The following L3MBTL4 variants were observed in gnomAD, a reference collection of about 807,000 sequenced individuals.
The protein encoded by L3MBTL4 is L3MBTL histone methyl-lysine binding protein 4.
A neutral mutation model predicts 84.5 loss-of-function variants in L3MBTL4; 70 were observed. That is an observed-to-expected ratio of 0.83 (90% CI 0.68 to 1.01). The LOEUF (loss-of-function observed/expected upper bound fraction) is 1.01. Ranked by LOEUF, L3MBTL4 falls within the 50% of genes least tolerant of loss-of-function variation. The pLI, the probability that L3MBTL4 is intolerant of heterozygous loss-of-function variation, is 0.00. For missense variants in L3MBTL4, 715 were observed against 754.8 expected (o/e 0.95, Z 0.62); for synonymous variants, 274 against 259.8 (o/e 1.05, Z -0.52).
At chr18:6,011,633 C>T (rs1048816231) in intron 16 of L3MBTL4, among the ~76,000 whole-genome samples, 3 of 152,156 alleles carry the variant, frequency 2.0e-5, no homozygotes, top group South Asian at 4.1e-4. Context: ...ATTTATTTAC[C>T]CTTGTGAAGG....
At chr18:6,342,179 A>G (rs1407096720) in intron 1 of L3MBTL4, among the ~76,000 whole-genome samples, 2 of 152,220 alleles carry the variant, frequency 1.3e-5, no homozygotes, top group Non-Finnish European at 2.9e-5. Flanking sequence ...CAATGTGAAA[A>G]CATATGAAAG....
intron 11 of L3MBTL4, among the ~76,000 whole-genome samples, chr18:6,213,804 T>G (rs2046215526): frequency 6.6e-6 from 1 of 152,238 alleles, no homozygotes; most frequent in African/African-American, 2.4e-5. Flanking sequence ...TTTTGGCCAT[T>G]TTAAAGATAA....
chr18:5,959,797 G>A (rs962365216), intron 18 of L3MBTL4, among the ~76,000 whole-genome samples: 2 of 151,948 alleles, frequency 1.3e-5, no homozygotes, highest in African/African-American at 2.4e-5. Context: ...TACTGAGCAT[G>A]CTGTATGCAC....
chr18:6,263,828 C>G (rs1283457889), intron 5 of L3MBTL4, 119 bp downstream of exon 5: 1 of 789,106 alleles, frequency 1.3e-6, no homozygotes, highest in African/African-American at 1.7e-5. Context: ...GGTCATTTTC[C>G]AGCAGAGCCT....
At chr18:6,176,461 T>G (rs1332438258) in intron 12 of L3MBTL4, among the ~76,000 whole-genome samples, 1 of 152,050 alleles carries the variant, frequency 6.6e-6, no homozygotes, top group Non-Finnish European at 1.5e-5. Context: ...GAAAGTACAG[T>G]CTTTTCAACA....
chr18:6,236,991 A>G (rs931582808), intron 10 of L3MBTL4, among the ~76,000 whole-genome samples: 10 of 152,314 alleles, frequency 6.6e-5, no homozygotes, highest in African/African-American at 2.2e-4. Flanking sequence ...TACATTTTTT[A>G]TTGAAAGAAA....
chr18:5,973,715 A>G (rs889807257), intron 16 of L3MBTL4, among the ~76,000 whole-genome samples: 4 of 152,162 alleles, frequency 2.6e-5, no homozygotes, highest in African/African-American at 9.7e-5. Context: ...GGAGCCTTCC[A>G]GATTTGATAA....
intron 12 of L3MBTL4, among the ~76,000 whole-genome samples, chr18:6,203,628 G>T (rs939469067): frequency 2.0e-5 from 3 of 152,216 alleles, no homozygotes; most frequent in African/African-American, 7.2e-5. Context: ...TACAAACCAG[G>T]GAAAAGAACA....
chr18:6,042,855 G>C (rs2056462191), intron 16 of L3MBTL4, among the ~76,000 whole-genome samples: 1 of 152,152 alleles, frequency 6.6e-6, no homozygotes, highest in Admixed American at 6.5e-5. Context: ...CCTCACTTCA[G>C]AGGTTCTGAC....
intron 4 of L3MBTL4, among the ~76,000 whole-genome samples, chr18:6,266,374 C>A (rs1307783547): frequency 1.3e-5 from 2 of 152,098 alleles, no homozygotes; most frequent in Admixed American, 1.3e-4. Context: ...CTTAGCTATA[C>A]ACACACACAT....
At chr18:6,346,507 A>G (rs916473569) in intron 1 of L3MBTL4, among the ~76,000 whole-genome samples, 1 of 152,130 alleles carries the variant, frequency 6.6e-6, no homozygotes, top group African/African-American at 2.4e-5. Flanking sequence ...AAAAAAATTT[A>G]AAAACCTGAT....
At chr18:6,180,289 T>C (rs978525358) in intron 12 of L3MBTL4, among the ~76,000 whole-genome samples, 2 of 123,882 alleles carry the variant, frequency 1.6e-5, no homozygotes, top group African/African-American at 7.5e-5. Context: ...ATCCCCATTT[T>C]ACATATAAGG....
chr18:6,388,986 A>G (rs57913750), intron 1 of L3MBTL4, among the ~76,000 whole-genome samples: 1,560 of 152,300 alleles, frequency 0.01, 24 homozygotes, highest in African/African-American at 0.035. Context: ...AACTAGGGAC[A>G]AGGAAAGTCA....
intron 5 of L3MBTL4, among the ~76,000 whole-genome samples, chr18:6,258,036 T>C (rs1186384967): frequency 6.6e-6 from 1 of 151,988 alleles, no homozygotes; most frequent in African/African-American, 2.4e-5. Context: ...AAGGCAGGAA[T>C]GGAAAGGATG....
intron 4 of L3MBTL4, among the ~76,000 whole-genome samples, chr18:6,275,185 C>G (rs546791885): frequency 1.2e-3 from 181 of 151,722 alleles, no homozygotes; most frequent in African/African-American, 4.1e-3. Context: ...GTTGGTAGGG[C>G]CAAGAGGAGG....
intron 16 of L3MBTL4, among the ~76,000 whole-genome samples, chr18:5,980,868 C>T (rs1484157054): frequency 6.6e-6 from 1 of 152,180 alleles, no homozygotes; most frequent in African/African-American, 2.4e-5. Context: ...CAGCGGTGCA[C>T]ACAGGATGAG....
At chr18:6,071,302 A>T (rs2057586417) in intron 16 of L3MBTL4, among the ~76,000 whole-genome samples, 2 of 152,004 alleles carry the variant, frequency 1.3e-5, no homozygotes, top group Middle Eastern at 3.4e-3. Flanking sequence ...GAGGCATCAG[A>T]ATCACTTGAA....
At chr18:6,395,366 T>G (rs903445853) in intron 1 of L3MBTL4, 20 of 152,142 alleles carry the variant, frequency 1.3e-4, no homozygotes, top group African/African-American at 4.1e-4. Flanking sequence ...CCATTCTGCT[T>G]TCCTTTCTAC....
chr18:6,314,505 TTTAA>T (rs1308812170), intron 1 of L3MBTL4, among the ~76,000 whole-genome samples: 1 of 152,194 alleles, frequency 6.6e-6, no homozygotes, highest in Non-Finnish European at 1.5e-5. Flanking sequence ...GTTCAGTGAT[TTTAA>T]TTAGAGAAGC....
Sources: allele counts gnomAD v4.1 joint callset (sites outside exome capture counted in the v4.1 genomes callset), GRCh38; gene constraint gnomAD v4.1.1; transcripts MANE v1.5; gene names NCBI Gene and HGNC (gene_info 2026-07-23, HGNC 2026-07-21).